Variants in GRIP1 observed in about 807,000 individuals in gnomAD.
GRIP1 encodes glutamate receptor interacting protein 1.
GRIP1 carries 45 observed loss-of-function variants against 129.9 expected under a neutral mutation model. The ratio of observed to expected loss-of-function variants is 0.35; its 90% CI spans 0.27 to 0.44. The LOEUF is 0.44. Ranked by LOEUF, GRIP1 falls within the 20% of genes least tolerant of loss-of-function variation. GRIP1 has a pLI of 1.00. For missense variants in GRIP1, 1,196 were observed against 1,396.8 expected, an observed-to-expected ratio of 0.86 and a Z score of 2.29; for synonymous variants, 530 against 520.8, an observed-to-expected ratio of 1.02 and a Z score of -0.24.
intron 1 of GRIP1, among the ~76,000 whole-genome samples, chr12:66,926,198 G>C (rs2041293604): frequency 6.6e-6 from 1 of 152,012 alleles, no homozygotes; most frequent in Non-Finnish European, 1.5e-5. Flanking sequence ...AAAATTCTCA[G>C]TGTTCTACAG....
intron 8 of GRIP1, among the ~76,000 whole-genome samples, 193 bp from the exon 9 acceptor site, chr12:66,463,286 G>T (rs1297954103): frequency 6.6e-6 from 1 of 152,074 alleles, no homozygotes; most frequent in Non-Finnish European, 1.5e-5. Flanking sequence ...GTAAAACCTT[G>T]TGGAAAATAG....
intron 1 of GRIP1, among the ~76,000 whole-genome samples, chr12:66,658,759 G>GATAAA (rs954305275): frequency 2.0e-5 from 3 of 151,352 alleles, no homozygotes; most frequent in Admixed American, 6.6e-5. Context: ...AATAAAATAA[G>GATAAA]ATAAAATAAA....
At chr12:66,614,042 C>T (rs2064929952) in intron 1 of GRIP1, among the ~76,000 whole-genome samples, 1 of 152,088 alleles carries the variant, frequency 6.6e-6, no homozygotes, top group African/African-American at 2.4e-5. Context: ...TTCTGGCTTC[C>T]CACCTGCCTC....
intron 1 of GRIP1, among the ~76,000 whole-genome samples, chr12:67,043,859 C>A (rs1315201823): frequency 6.6e-6 from 1 of 151,952 alleles, no homozygotes; most frequent in Non-Finnish European, 1.5e-5. Flanking sequence ...AGATTTGAAA[C>A]TTGAAGTTTA....
intron 1 of GRIP1, among the ~76,000 whole-genome samples, chr12:66,758,350 T>C (rs187508000): frequency 6.3e-4 from 96 of 152,238 alleles, no homozygotes; most frequent in Admixed American, 1.2e-3. Flanking sequence ...AAGAATAGCA[T>C]GGGAAAGACT....
Position 66,578,888 on chromosome 12 carries a change from C to T in GRIP1, c.136+17959G>A, listed in dbSNP as rs541190583. Among the ~76,000 whole-genome samples, 358 of 152,312 alleles carry T rather than the reference C, an allele frequency of 2.4e-3. 1 individual carries two copies. Among genetic ancestry groups the T allele is most frequent in the African/African-American group, 7.9e-3 (329 of 41,564 alleles). On this transcript the variant is annotated intron_variant, in intron 2 of 24. Transcript: ENST00000359742. ...TGCAGACTTAAATCTCCCTGTCTGACAGCTTTGAAGAGAGCAGTGGTTCTC... is the reference window on the plus strand; with the variant it reads ...TGCAGACTTAAATCTCCCTGTCTGATAGCTTTGAAGAGAGCAGTGGTTCTC...
rs2054064977 is a variant in GRIP1, at chr12:66,348,261, G to GAT, written c.*756_*757dup. 1 of 151,704 alleles carries GAT rather than the reference G, an allele frequency of 6.6e-6. No individual in the cohort carries two copies. Among genetic ancestry groups the GAT allele is most frequent in the South Asian group, 2.1e-4 (1 of 4,820 alleles). The allele number at this position is 151,704 out of a possible 1,614,324, so 9.4% of individuals were successfully genotyped here. On this transcript the variant is annotated 3_prime_UTR_variant, in exon 25 of 25. Coordinates refer to ENST00000359742, the MANE Select transcript of GRIP1 (RefSeq NM_001366722.1). ...TCTTAGTCTTGAATTTTAAAAATAA[G>GAT]ATAATATAACTAATTCTCATGTTTA... is the stretch of plus-strand genomic sequence containing the variant.
chr12:66,852,462 TAAA>T (rs938153139), intron 1 of GRIP1, among the ~76,000 whole-genome samples: 1 of 150,866 alleles, frequency 6.6e-6, no homozygotes, highest in Non-Finnish European at 1.5e-5. Context: ...CCCCAAAAAA[TAAA>T]AAAATGATTA....
At chr12:66,671,813 G>A (rs773107511) in intron 1 of GRIP1, among the ~76,000 whole-genome samples, 5 of 152,288 alleles carry the variant, frequency 3.3e-5, no homozygotes, top group South Asian at 2.1e-4. Context: ...TGTGTGGGAC[G>A]TGTATCCTAA....
intron 1 of GRIP1, among the ~76,000 whole-genome samples, chr12:66,895,847 C>T (rs192612314): frequency 1.8e-4 from 28 of 152,250 alleles, no homozygotes; most frequent in Admixed American, 3.9e-4. Context: ...AACACTAATA[C>T]ATTTTTGTTA....
chr12:66,811,192 T>C lies in GRIP1; in HGVS notation c.59-214265A>G, dbSNP rs527969969. On this transcript the variant is annotated intron_variant, in intron 1 of 1. Coordinates refer to the GRIP1 transcript ENST00000643019. ...GTTATTGAGTTTTCAAAGATTTTTTTCTACTTTTTTTCTACCATATAGAAT... is the reference window on the plus strand; with the variant it reads ...GTTATTGAGTTTTCAAAGATTTTTTCCTACTTTTTTTCTACCATATAGAAT... Among the ~76,000 whole-genome samples, 13 of 152,364 alleles carry C rather than the reference T, an allele frequency of 8.5e-5. No individual in the cohort carries two copies. The East Asian group carries it at 2.3e-3, about 27-fold the overall frequency.
chr12:66,675,826 T>G (rs2034300986), intron 1 of GRIP1, among the ~76,000 whole-genome samples: 1 of 152,202 alleles, frequency 6.6e-6, no homozygotes, highest in Non-Finnish European at 1.5e-5. Flanking sequence ...GAACCAAAGT[T>G]CCTCTCATAA....
At chr12:66,582,613 C>A (rs1415804506) in intron 2 of GRIP1, among the ~76,000 whole-genome samples, 1 of 135,074 alleles carries the variant, frequency 7.4e-6, no homozygotes, top group Non-Finnish European at 1.6e-5. Flanking sequence ...ACACCAATAA[C>A]AGACAAACAG....
At chr12:66,675,463 C>T (rs1292177787) in intron 1 of GRIP1, among the ~76,000 whole-genome samples, 4 of 152,078 alleles carry the variant, frequency 2.6e-5, no homozygotes, top group Non-Finnish European at 4.4e-5. Context: ...AGTAATCACA[C>T]AATCATGACA....
intron 1 of GRIP1, among the ~76,000 whole-genome samples, chr12:66,870,415 C>T (rs549796762): frequency 2.8e-4 from 43 of 152,008 alleles, no homozygotes; most frequent in African/African-American, 9.9e-4. Context: ...TGACATACTC[C>T]CCAGTTTTTT....
chr12:66,446,637 C>T (rs1468718867), intron 11 of GRIP1, among the ~76,000 whole-genome samples: 1 of 152,184 alleles, frequency 6.6e-6, no homozygotes, highest in African/African-American at 2.4e-5. Flanking sequence ...AATTCTCCCC[C>T]TTTTCTTCAT....
intron 16 of GRIP1, among the ~76,000 whole-genome samples, chr12:66,401,935 T>C (rs894955252): frequency 1.3e-5 from 2 of 152,206 alleles, no homozygotes; most frequent in Admixed American, 6.5e-5. Flanking sequence ...GCCTCATTCC[T>C]GTTTTAAGTC....
At chr12:66,941,244 G>T (rs1326838847) in intron 1 of GRIP1, among the ~76,000 whole-genome samples, 2 of 152,000 alleles carry the variant, frequency 1.3e-5, no homozygotes, top group Non-Finnish European at 2.9e-5. Flanking sequence ...TTCCTAAGTG[G>T]CAGAGCCTAG....
rs1454993240 is a variant in GRIP1, at chr12:66,938,185, G to A, written c.58+130865C>T. On this transcript the variant is annotated intron_variant, in intron 1 of 1. Transcript: ENST00000643019. ...AAGGTCAAGAGATCAAGACCATCCT[G>A]GCCAACATGGTGAAGCACTGTCTCT... Among the ~76,000 whole-genome samples the A allele has an allele frequency of 3.3e-5, 5 of 151,940 alleles. No individual in the cohort carries two copies. The South Asian group carries it at 8.3e-4, about 25-fold the overall frequency.
Sources: gnomAD v4.1 joint callset for allele counts (sites outside exome capture counted in the v4.1 genomes callset) on GRCh38, gnomAD v4.1.1 for gene constraint, MANE v1.5 for transcripts, NCBI Gene and HGNC (gene_info 2026-07-23, HGNC 2026-07-21) for gene names.